The following FRMPD4 variants were observed in gnomAD, a reference collection of about 807,000 sequenced individuals.
The protein encoded by FRMPD4 is FERM and PDZ domain containing 4.
In FRMPD4, 22 loss-of-function variants were observed where a neutral mutation model predicts 94.1. That is an observed-to-expected ratio of 0.23 (90% CI 0.17 to 0.33). FRMPD4 has a LOEUF of 0.33. FRMPD4 is among the 10% of genes least tolerant of loss of function. FRMPD4 has a pLI of 1.00. For synonymous variants in FRMPD4, 631 were observed against 548.6 expected (o/e 1.15, Z -2.10); for missense variants, 1,111 against 1,339.9 (o/e 0.83, Z 2.67).
intron 14 of FRMPD4, among the ~76,000 whole-genome samples, chrX:12,710,776 C>A (rs183835206): frequency 9.7e-6 from 1 of 103,593 alleles, no homozygotes; most frequent in African/African-American, 4.2e-5. Flanking sequence ...CATAGTGGCA[C>A]GCACCTGTAA....
intron 3 of FRMPD4, among the ~76,000 whole-genome samples, chrX:11,907,772 C>T (rs2053975800): frequency 8.9e-6 from 1 of 111,830 alleles, no homozygotes; most frequent in Non-Finnish European, 1.9e-5. Context: ...ATTGTAGAAA[C>T]TGTGGGTTCT....
At chrX:12,414,160 T>TACCTTTTTGAAAACA (rs1315396246) in intron 1 of FRMPD4, among the ~76,000 whole-genome samples, 3 of 112,699 alleles carry the variant, frequency 2.7e-5, no homozygotes, top group African/African-American at 9.7e-5. Flanking sequence ...GCATTGCTTC[T>TACCTTTTTGAAAACA]ACCTTTCACA....
intron 1 of FRMPD4, among the ~76,000 whole-genome samples, chrX:12,410,175 G>T (rs2056714563): frequency 9.0e-6 from 1 of 111,130 alleles, no homozygotes; most frequent in South Asian, 3.8e-4. Flanking sequence ...ATGTGGCTGA[G>T]TAACTCATTC....
chrX:12,630,497 G>A (rs947302257), intron 4 of FRMPD4, among the ~76,000 whole-genome samples: 4 of 112,367 alleles, frequency 3.6e-5, no homozygotes, highest in African/African-American at 1.3e-4. Flanking sequence ...TAGAGGAAGA[G>A]AAATGAAGCA....
chrX:12,148,662 A>T (rs892820819), intron 1 of FRMPD4, among the ~76,000 whole-genome samples: 2 of 112,807 alleles, frequency 1.8e-5, no homozygotes, highest in Admixed American at 1.9e-4. Flanking sequence ...TTGGAAGAAG[A>T]TGCCATCTAG....
chrX:12,448,611 C>A (rs752538167), intron 1 of FRMPD4, among the ~76,000 whole-genome samples: 13 of 112,253 alleles, frequency 1.2e-4, no homozygotes, highest in African/African-American at 3.9e-4. Flanking sequence ...ATTATCCAGG[C>A]AAATGGGTTT....
At chrX:12,209,507 T>C (rs961921229) in intron 1 of FRMPD4, among the ~76,000 whole-genome samples, 3 of 112,099 alleles carry the variant, frequency 2.7e-5, no homozygotes, top group Admixed American at 9.5e-5. Flanking sequence ...TATTTATATA[T>C]CCGTTACATA....
intron 3 of FRMPD4, among the ~76,000 whole-genome samples, chrX:12,015,165 A>G (rs994653104): frequency 9.0e-6 from 1 of 111,244 alleles, no homozygotes; most frequent in Non-Finnish European, 1.9e-5. Flanking sequence ...TAACTTTGGC[A>G]AGATTGTCAT....
chrX:12,524,629 A>G (rs1412182808), intron 2 of FRMPD4, among the ~76,000 whole-genome samples: 1 of 111,693 alleles, frequency 9.0e-6, no homozygotes, highest in Non-Finnish European at 1.9e-5. Context: ...CTTGGAAAAG[A>G]TGATGTGTAG....
Position 12,702,107 on chromosome X carries a change from T to C in FRMPD4, c.1070+97T>C, listed in dbSNP as rs781430108. On this transcript the variant is annotated intron_variant, in intron 10 of 16. Coordinates refer to ENST00000675598, the MANE Select transcript of FRMPD4 (RefSeq NM_001368397.1). Reference sequence around the variant, plus strand: ...ATTTGTCCAAAATTGATCTTGTTTGTGTCAAAGCATTCATTCGCCAGTGGC... The same window carrying C: ...ATTTGTCCAAAATTGATCTTGTTTGCGTCAAAGCATTCATTCGCCAGTGGC... The C allele has an allele frequency of 3.6e-3, 3,176 of 878,093 alleles. 11 individuals carry two copies. The highest frequency in any genetic ancestry group is 0.01 in the Middle Eastern group (37 of 3,604). The allele number at this position is 878,093 out of a possible 1,213,427, so 72.4% of individuals were successfully genotyped here. A position where few individuals can be genotyped will look rare whatever the true frequency, so the allele number is the denominator to read the frequency against.
chrX:12,710,021 C>T (rs2041953400), intron 13 of FRMPD4, among the ~76,000 whole-genome samples: 4 of 110,704 alleles, frequency 3.6e-5, no homozygotes, highest in Non-Finnish European at 5.7e-5. Context: ...CCAACTATTC[C>T]GGAGGCTGAG....
At chrX:12,615,007 C>T (rs1344893297) in intron 4 of FRMPD4, 126 bp downstream of exon 4, 2 of 362,324 alleles carry the variant, frequency 5.5e-6, no homozygotes, top group Admixed American at 4.8e-5. Context: ...CCAACACATA[C>T]ACATGGTTGA....
chrX:12,205,525 A>G (rs1176631633), intron 1 of FRMPD4, among the ~76,000 whole-genome samples: 3 of 111,987 alleles, frequency 2.7e-5, no homozygotes, highest in Non-Finnish European at 5.6e-5. Flanking sequence ...GCTTGAAAAG[A>G]CGATAGATGG....
chrX:12,669,074 A>C (rs1191404641), intron 4 of FRMPD4, among the ~76,000 whole-genome samples: 4 of 111,683 alleles, frequency 3.6e-5, no homozygotes, highest in Non-Finnish European at 7.5e-5. Context: ...TCTAACCAAT[A>C]AAATGTGGTA....
chrX:12,294,483 C>G (rs201915696), intron 1 of FRMPD4, among the ~76,000 whole-genome samples: 1 of 86,102 alleles, frequency 1.2e-5, no homozygotes, highest in Non-Finnish European at 2.3e-5. Flanking sequence ...CACACACACA[C>G]ACAGAGAGAG....
intron 1 of FRMPD4, among the ~76,000 whole-genome samples, chrX:12,155,263 A>G (rs1400422798): frequency 2.7e-5 from 3 of 112,226 alleles, no homozygotes; most frequent in Non-Finnish European, 3.8e-5. Flanking sequence ...TATTGATTGC[A>G]GAAGAAAAAC....
At chrX:11,827,670 A>G (rs1432234234) in intron 1 of FRMPD4, among the ~76,000 whole-genome samples, 1 of 111,917 alleles carries the variant, frequency 8.9e-6, no homozygotes, top group Non-Finnish European at 1.9e-5. Context: ...CGTTTAAGGG[A>G]ATCAAAAAGC....
chrX:12,375,371 C>A (rs1201236061), intron 1 of FRMPD4, among the ~76,000 whole-genome samples: 1 of 112,392 alleles, frequency 8.9e-6, no homozygotes, highest in Admixed American at 9.4e-5. Flanking sequence ...TCAAGCCAGG[C>A]TTGTGGGTCA....
chrX:12,686,959 C>G (rs1231174166), intron 7 of FRMPD4, among the ~76,000 whole-genome samples: 1 of 111,803 alleles, frequency 8.9e-6, no homozygotes, highest in East Asian at 2.8e-4. Context: ...TCCCATGGCA[C>G]AGTAAAAAAG....
Sources: gnomAD v4.1 joint callset for allele counts (sites outside exome capture counted in the v4.1 genomes callset) on GRCh38, gnomAD v4.1.1 for gene constraint, MANE v1.5 for transcripts, NCBI Gene and HGNC (gene_info 2026-07-23, HGNC 2026-07-21) for gene names.